Variants in CNTNAP2 observed in about 807,000 individuals in gnomAD.
CNTNAP2 encodes contactin associated protein 2, also known as contactin-associated protein-like 2.
A neutral mutation model predicts 155.2 loss-of-function variants in CNTNAP2; 98 were observed. The observed-to-expected ratio is 0.63, with a 90% confidence interval of 0.54 to 0.75. CNTNAP2 has a LOEUF of 0.75. Among genes scored for constraint, CNTNAP2 ranks in the 30% least tolerant of loss-of-function variants. CNTNAP2 has a pLI of 0.00. For synonymous variants in CNTNAP2, 651 were observed against 631.2 expected, an observed-to-expected ratio of 1.03 and a Z score of -0.47; for missense variants, 1,727 against 1,688.1, an observed-to-expected ratio of 1.02 and a Z score of -0.40.
intron 4 of CNTNAP2, among the ~76,000 whole-genome samples, chr7:147,055,902 A>G (rs774156160): frequency 6.6e-6 from 1 of 152,188 alleles, no homozygotes; most frequent in African/African-American, 2.4e-5. Flanking sequence ...CAGTGAGGTC[A>G]CTGGAGACCC....
chr7:148,133,255 A>T (rs570517631), intron 16 of CNTNAP2, among the ~76,000 whole-genome samples: 1 of 152,280 alleles, frequency 6.6e-6, no homozygotes, highest in South Asian at 2.1e-4. Context: ...TGAGGCCACG[A>T]GATCTAGACC....
intron 15 of CNTNAP2, among the ~76,000 whole-genome samples, chr7:148,032,541 GA>G (rs1364905117): frequency 2.6e-5 from 4 of 152,156 alleles, no homozygotes; most frequent in South Asian, 2.1e-4. Context: ...CAAAGAACCA[GA>G]AGAACAAAGG....
chr7:147,533,937 A>G (rs1218316921), intron 11 of CNTNAP2, among the ~76,000 whole-genome samples: 1 of 152,226 alleles, frequency 6.6e-6, no homozygotes, highest in East Asian at 1.9e-4. Context: ...CATCCTTTAC[A>G]GATAAAGAAT....
At position 147,397,084 on chromosome 7, in the gene CNTNAP2, G is replaced by C. The variant is rs181464300; in HGVS notation, c.1670+1304G>C. Among the ~76,000 whole-genome samples the C allele has an allele frequency of 2.3e-4, 35 of 152,164 alleles. 1 individual carries two copies. Among genetic ancestry groups the C allele is most frequent in the African/African-American group, 8.2e-4 (34 of 41,556 alleles). On this transcript the variant is annotated intron_variant, in intron 10 of 23. Coordinates refer to ENST00000361727, the MANE Select transcript of CNTNAP2 (RefSeq NM_014141.6). ...TGGTAAGTTACAGTTTGTGGTGGCTGTAAGATAGAACTTCTATAAAGCCTT... is the reference window on the plus strand; with the variant it reads ...TGGTAAGTTACAGTTTGTGGTGGCTCTAAGATAGAACTTCTATAAAGCCTT...
chr7:147,647,870 G>T (rs1372928358), intron 13 of CNTNAP2, among the ~76,000 whole-genome samples: 2 of 152,152 alleles, frequency 1.3e-5, no homozygotes, highest in Non-Finnish European at 2.9e-5. Context: ...AGGCAAGCAA[G>T]TAAAAAAATA....
intron 1 of CNTNAP2, among the ~76,000 whole-genome samples, chr7:146,452,889 T>C (rs574134600): frequency 1.1e-4 from 17 of 152,224 alleles, no homozygotes; most frequent in Non-Finnish European, 2.1e-4. Flanking sequence ...TTTGCAAGAC[T>C]CTGAACATGA....
chr7:147,236,298 G>T (rs75974721), intron 8 of CNTNAP2, among the ~76,000 whole-genome samples: 1 of 152,110 alleles, frequency 6.6e-6, no homozygotes, highest in Admixed American at 6.5e-5. Context: ...TTCCTTGGTT[G>T]CCCTAAACCC....
Position 146,485,835 on chromosome 7 carries a change from T to G in CNTNAP2, c.98-288436T>G, listed in dbSNP as rs138891491. Among the ~76,000 whole-genome samples, 42 of 152,060 alleles carry G rather than the reference T, an allele frequency of 2.8e-4. No individual in the cohort carries two copies. In the East Asian group the frequency reaches 7.6e-3, roughly 27 times the overall value. ...GACACAAATTACCTATTAACAAACC[T>G]GCACACGTACCCCAAACTTAAAATA... On this transcript the variant is annotated intron_variant, in intron 1 of 23. Coordinates refer to ENST00000361727, the MANE Select transcript of CNTNAP2 (RefSeq NM_014141.6).
At chr7:146,636,322 TTTAAC>T (rs374480424) in intron 1 of CNTNAP2, among the ~76,000 whole-genome samples, 12 of 152,300 alleles carry the variant, frequency 7.9e-5, no homozygotes, top group Non-Finnish European at 1.6e-4. Context: ...TAAGTTATAT[TTTAAC>T]TTACGAATTT....
chr7:148,243,894 A>T (rs566999401), intron 20 of CNTNAP2, among the ~76,000 whole-genome samples: 3 of 152,352 alleles, frequency 2.0e-5, no homozygotes, highest in Admixed American at 2.0e-4. Context: ...ACCCACAAGC[A>T]GTCTTTTACA....
At chr7:147,093,240 C>CAAAAAAAAAA in intron 4 of CNTNAP2, among the ~76,000 whole-genome samples, 1 of 54,352 alleles carries the variant, frequency 1.8e-5, no homozygotes. Flanking sequence ...GACTCCATCT[C>CAAAAAAAAAA]AAAAAAAAAA....
chr7:146,456,707 C>G (rs1351655966), intron 1 of CNTNAP2, among the ~76,000 whole-genome samples: 1 of 152,248 alleles, frequency 6.6e-6, no homozygotes, highest in Admixed American at 6.5e-5. Flanking sequence ...GAAGCAATGC[C>G]TTGTCAGCAT....
intron 1 of CNTNAP2, among the ~76,000 whole-genome samples, chr7:146,522,394 G>A (rs1192832288): frequency 2.6e-5 from 4 of 151,998 alleles, no homozygotes; most frequent in African/African-American, 4.8e-5. Flanking sequence ...CAATGTGTCA[G>A]AACTCTAAAT....
chr7:148,009,472 T>C (rs1802036129), intron 15 of CNTNAP2, among the ~76,000 whole-genome samples: 2 of 152,302 alleles, frequency 1.3e-5, no homozygotes, highest in Non-Finnish European at 1.5e-5. Context: ...ACTATACATA[T>C]GCATAATTAA....
At chr7:146,202,777 T>A (rs565097107) in intron 1 of CNTNAP2, among the ~76,000 whole-genome samples, 2 of 152,268 alleles carry the variant, frequency 1.3e-5, no homozygotes, top group Admixed American at 6.5e-5. Flanking sequence ...ATAAAAATAA[T>A]GAGTTCAACT....
intron 1 of CNTNAP2, among the ~76,000 whole-genome samples, chr7:146,364,858 C>A (rs1795133400): frequency 1.3e-5 from 2 of 152,170 alleles, no homozygotes; most frequent in Non-Finnish European, 2.9e-5. Context: ...CTTCTGTTAA[C>A]AAATCTGATT....
chr7:147,656,365 C>T (rs1033077793), intron 13 of CNTNAP2, among the ~76,000 whole-genome samples: 13 of 152,176 alleles, frequency 8.5e-5, no homozygotes, highest in African/African-American at 1.7e-4. Flanking sequence ...TCTTGGCTTT[C>T]GACATGTCTT....
At chr7:146,391,124 A>G (rs140457579) in intron 1 of CNTNAP2, among the ~76,000 whole-genome samples, 1 of 147,680 alleles carries the variant, frequency 6.8e-6, no homozygotes, top group Non-Finnish European at 1.5e-5. Flanking sequence ...TTTAGTATAT[A>G]TATTTATTAT....
At chr7:147,150,520 A>G (rs1445314914) in intron 8 of CNTNAP2, among the ~76,000 whole-genome samples, 1 of 152,216 alleles carries the variant, frequency 6.6e-6, no homozygotes, top group African/African-American at 2.4e-5. Context: ...ATCTTGACTA[A>G]GTGCAAGGCA....
Sources: allele counts gnomAD v4.1 joint callset (sites outside exome capture counted in the v4.1 genomes callset), GRCh38; gene constraint gnomAD v4.1.1; transcripts MANE v1.5; gene names NCBI Gene and HGNC (gene_info 2026-07-23, HGNC 2026-07-21).